DPY19L2: variants seen among roughly 807,000 people sequenced by gnomAD.
DPY19L2 encodes the protein dpy-19 like 2.
A neutral mutation model predicts 97.9 loss-of-function variants in DPY19L2; 34 were observed. The observed-to-expected ratio is 0.35, with a 90% CI of 0.26 to 0.46. The LOEUF is 0.46. DPY19L2 is among the 20% of genes least tolerant of loss of function. DPY19L2 has a pLI of 1.00. For missense variants in DPY19L2, 623 were observed against 911.4 expected (o/e 0.68, Z 4.07); for synonymous variants, 230 against 307.9 (o/e 0.75, Z 2.65).
intron 20 of DPY19L2, among the ~76,000 whole-genome samples, chr12:63,570,440 C>T (rs1310639202): frequency 1.3e-5 from 2 of 152,004 alleles, no homozygotes; most frequent in Non-Finnish European, 2.9e-5. Context: ...TCCATCCTAC[C>T]TACTCTTCCA....
intron 4 of DPY19L2, among the ~76,000 whole-genome samples, chr12:63,652,317 G>A (rs1036885126): frequency 1.3e-5 from 2 of 152,124 alleles, no homozygotes; most frequent in African/African-American, 4.8e-5. Flanking sequence ...CTTATACACT[G>A]CTGGTGGGAA....
At chr12:63,638,022 C>G (rs1165858252) in intron 6 of DPY19L2, among the ~76,000 whole-genome samples, 12 of 152,178 alleles carry the variant, frequency 7.9e-5, no homozygotes, top group South Asian at 2.1e-4. Context: ...GATCAAGTGG[C>G]CTTCATCCCT....
chr12:63,582,491 G>T lies in DPY19L2; in HGVS notation c.1640C>A (p.Thr547Asn), dbSNP rs756202691. ...CCTCATAATTAAAATGGCAAGGGCA[G>T]TAAACACTAACAACTGCAATGTGTG... ...AFHTLQLLVF[T>N]ALAILIMRLK... The change falls in exon 18 of 22, where the codon ACT (threonine) becomes AAT (asparagine). Residue 547 changes from threonine (T) to asparagine (N), a missense_variant. Transcript: ENST00000324472. 3.7e-6 allele frequency: 6 copies of T among 1,613,328 alleles called. No homozygotes were observed. The African/African-American group carries it at 8.0e-5, about 22-fold the overall frequency.
In DPY19L2 at chr12:63,559,170, T is replaced by C. The variant is rs956956467; in HGVS notation, c.*1342A>G. 6.6e-6 allele frequency: 1 copy of C among 152,192 alleles called. No homozygotes were observed. The highest frequency in any genetic ancestry group is 1.5e-5 in the Non-Finnish European group (1 of 68,026). 9.4% of individuals were successfully genotyped at this position (152,192 alleles called of 1,614,324 possible). ...ATTATTTGAAAATGCTAAAATAAAA[T>C]GTGGCATGTTTTCTTAGCTGTTTTG... On this transcript the variant is annotated 3_prime_UTR_variant, in exon 22 of 22. Transcript: ENST00000324472.
At chr12:63,644,137 A>T (rs928744238) in intron 6 of DPY19L2, among the ~76,000 whole-genome samples, 2 of 152,136 alleles carry the variant, frequency 1.3e-5, no homozygotes, top group Non-Finnish European at 2.9e-5. Flanking sequence ...AATTTTACAC[A>T]TGAACTAGGA....
intron 6 of DPY19L2, among the ~76,000 whole-genome samples, chr12:63,638,312 C>T (rs1892103287): frequency 6.6e-6 from 1 of 152,088 alleles, no homozygotes; most frequent in South Asian, 2.1e-4. Flanking sequence ...ACAGGGTTGC[C>T]CTCTCTCACC....
chr12:63,640,153 A>C (rs1332163416), intron 6 of DPY19L2, among the ~76,000 whole-genome samples: 1 of 152,176 alleles, frequency 6.6e-6, no homozygotes, highest in Admixed American at 6.5e-5. Flanking sequence ...TTGAACAATG[A>C]GAACACTTGG....
rs765437817 is a variant in DPY19L2 at position 63,663,718 on chromosome 12, C to T, written c.450+40G>A. ...ATTTCTACCTCATAGTCTCGCTATTCTTAAACCACAAATTAATTCATTAGA... is the reference window on the plus strand; with the variant it reads ...ATTTCTACCTCATAGTCTCGCTATTTTTAAACCACAAATTAATTCATTAGA... On this transcript the variant is annotated intron_variant, in intron 3 of 21. Coordinates refer to ENST00000324472, the MANE Select transcript of DPY19L2 (RefSeq NM_173812.5). 19 of 1,546,000 alleles carry T rather than the reference C, an allele frequency of 1.2e-5. 1 individual carries two copies. In the South Asian group the frequency reaches 2.3e-4, roughly 18 times the overall value.
chr12:63,623,427 C>T (rs1425727822), intron 8 of DPY19L2, among the ~76,000 whole-genome samples: 2 of 152,054 alleles, frequency 1.3e-5, no homozygotes, highest in Non-Finnish European at 2.9e-5. Flanking sequence ...GGTTAGAAAA[C>T]AATGTCAGAG....
Position 63,559,910 on chromosome 12 carries a change from A to C in DPY19L2, c.*602T>G, listed in dbSNP as rs1163396061. 10 of 152,216 alleles carry C rather than the reference A, an allele frequency of 6.6e-5. No individual in the cohort carries two copies. The highest frequency in any genetic ancestry group is 5.9e-4 in the Admixed American group (9 of 15,274). 9.4% of individuals were successfully genotyped at this position (152,216 alleles called of 1,614,324 possible). A position where few individuals can be genotyped will look rare whatever the true frequency, so the allele number is the denominator to read the frequency against. ...AAACACATCTCAAGAGATTCAAAAC[A>C]TTACAAAACAAAGTGTTTTTAAAAA... On this transcript the variant is annotated 3_prime_UTR_variant, in exon 22 of 22. Transcript: ENST00000324472.
At chr12:63,594,056 T>C (rs1013603841) in intron 16 of DPY19L2, 31 bp downstream of exon 16, 18 of 1,397,608 alleles carry the variant, frequency 1.3e-5, no homozygotes, top group Non-Finnish European at 1.6e-5. Flanking sequence ...TGGAATACTG[T>C]ATGTTTTAAA....
At chr12:63,582,053 G>A (rs1420157575) in intron 18 of DPY19L2, among the ~76,000 whole-genome samples, 2 of 151,262 alleles carry the variant, frequency 1.3e-5, no homozygotes, top group African/African-American at 2.4e-5. Context: ...TGCCCATCTC[G>A]GCCTCCCAAA....
At chr12:63,624,174 A>G (rs1565786756) in intron 7 of DPY19L2, 43 bp from the exon 8 acceptor site, 2 of 1,445,046 alleles carry the variant, frequency 1.4e-6, no homozygotes. Flanking sequence ...ATTTACTACA[A>G]CAAACATATT....
At chr12:63,585,272 A>C (rs1198765908) in intron 16 of DPY19L2, among the ~76,000 whole-genome samples, 4 of 152,068 alleles carry the variant, frequency 2.6e-5, no homozygotes, top group Non-Finnish European at 2.9e-5. Context: ...GGGGCATTCT[A>C]ATATGGATTT....
chr12:63,590,331 T>A (rs1882680237), intron 16 of DPY19L2, among the ~76,000 whole-genome samples: 1 of 152,152 alleles, frequency 6.6e-6, no homozygotes, highest in African/African-American at 2.4e-5. Context: ...ACTCTCATCA[T>A]TATAATTTCT....
Position 63,583,851 on chromosome 12 carries a change from A to G in DPY19L2, c.1581-15T>C, listed in dbSNP as rs1366946477. The G allele has an allele frequency of 6.2e-7, 1 of 1,605,740 alleles. No homozygotes were observed. Among genetic ancestry groups the G allele is most frequent in the African/African-American group, 1.3e-5 (1 of 74,818 alleles). ...GGAGCTGTTTTCTAGAATAAAACAA[A>G]AATATTACCTATTTACTGAAGGTCT... On this transcript the variant is annotated splice_polypyrimidine_tract_variant and intron_variant, in intron 16 of 21. Coordinates refer to ENST00000324472, the MANE Select transcript of DPY19L2 (RefSeq NM_173812.5).
intron 6 of DPY19L2, among the ~76,000 whole-genome samples, chr12:63,636,619 A>G (rs962022683): frequency 6.6e-6 from 1 of 151,850 alleles, no homozygotes; most frequent in Non-Finnish European, 1.5e-5. Flanking sequence ...AAAACAAAAC[A>G]AAAGGGGTTG....
At chr12:63,660,249 T>A (rs979609280) in intron 4 of DPY19L2, among the ~76,000 whole-genome samples, 1 of 152,078 alleles carries the variant, frequency 6.6e-6, no homozygotes, top group Non-Finnish European at 1.5e-5. Flanking sequence ...ATTACATTGC[T>A]TGTAATCAAA....
chr12:63,595,538 G>A (rs1884064433), intron 15 of DPY19L2, among the ~76,000 whole-genome samples: 1 of 152,126 alleles, frequency 6.6e-6, no homozygotes, highest in Admixed American at 6.5e-5. Context: ...ACTTCACTGT[G>A]CTTTATATTT....
Sources: allele counts gnomAD v4.1 joint callset (sites outside exome capture counted in the v4.1 genomes callset), GRCh38; gene constraint gnomAD v4.1.1; transcripts MANE v1.5; gene names NCBI Gene and HGNC (gene_info 2026-07-23, HGNC 2026-07-21).